C4orf51: variants seen among roughly 807,000 people sequenced by gnomAD.
The protein encoded by C4orf51 is chromosome 4 open reading frame 51.
C4orf51 carries 25 observed loss-of-function variants against 25.2 expected under a neutral mutation model. That is an observed-to-expected ratio of 0.99 (90% confidence interval 0.72 to 1.39). C4orf51 has a LOEUF of 1.39. Among genes scored for constraint, C4orf51 ranks in the 40% most tolerant of loss-of-function variants. C4orf51 has a pLI of 0.00. For missense variants in C4orf51, 252 were observed against 239.6 expected (o/e 1.05, Z -0.34); for synonymous variants, 100 against 84.5 (o/e 1.18, Z -1.01).
chr4:145,689,050 A>G (rs1035852431), intron 1 of C4orf51, among the ~76,000 whole-genome samples: 5 of 152,366 alleles, frequency 3.3e-5, no homozygotes, highest in African/African-American at 1.2e-4. Context: ...CCATGCATAT[A>G]CAAGTACTTG....
chr4:145,743,252 C>G (rs1246017760), intron 1 of C4orf51, among the ~76,000 whole-genome samples: 5 of 152,114 alleles, frequency 3.3e-5, no homozygotes, highest in Non-Finnish European at 7.4e-5. Context: ...ATACCCGAGA[C>G]TATATCATTT....
the C4orf51 span, among the ~76,000 whole-genome samples, chr4:145,777,031 T>G: frequency 1.3e-5 from 2 of 152,232 alleles, no homozygotes; most frequent in Non-Finnish European, 2.9e-5. Context: ...CTATCCTTAA[T>G]GCTTACTTGG....
chr4:145,706,956 T>C (rs1235637262), intron 2 of C4orf51, among the ~76,000 whole-genome samples: 1 of 151,954 alleles, frequency 6.6e-6, no homozygotes, highest in African/African-American at 2.4e-5. Context: ...GGATTACAGG[T>C]GCCCACGACC....
intron 1 of C4orf51, among the ~76,000 whole-genome samples, chr4:145,740,060 A>C (rs13125528): frequency 0.79 from 119,610 of 151,964 alleles, 47,552 homozygotes; most frequent in Non-Finnish European, 0.86. Context: ...CATTGGAAGC[A>C]AGCCAGGTGA....
chr4:145,739,719 T>C (rs1168701556), intron 1 of C4orf51, among the ~76,000 whole-genome samples: 1 of 152,238 alleles, frequency 6.6e-6, no homozygotes, highest in East Asian at 1.9e-4. Flanking sequence ...CCTCTACTTC[T>C]AATATCCACA....
the C4orf51 span, among the ~76,000 whole-genome samples, chr4:145,784,591 T>G: frequency 1.8e-4 from 28 of 152,226 alleles, no homozygotes; most frequent in African/African-American, 6.5e-4. Flanking sequence ...AAACTTCTTT[T>G]AGATTACTCA....
chr4:145,745,879 G>A (rs1733344941), intron 1 of C4orf51, among the ~76,000 whole-genome samples: 1 of 152,080 alleles, frequency 6.6e-6, no homozygotes, highest in African/African-American at 2.4e-5. Flanking sequence ...ATCCTCACCA[G>A]CATTTGTTGT....
At chr4:145,771,081 C>T (rs1264610920), downstream of C4orf51, 4 of 152,144 alleles carry the variant, frequency 2.6e-5, no homozygotes, top group African/African-American at 7.2e-5. Flanking sequence ...TGCTCATGTC[C>T]TCATATCCTT....
chr4:145,711,168 C>CT, intron 2 of C4orf51, among the ~76,000 whole-genome samples: 2 of 152,254 alleles, frequency 1.3e-5, no homozygotes, highest in Middle Eastern at 6.8e-3. Flanking sequence ...AAAGCTTCTG[C>CT]TTTAAGGTCC....
intron 2 of C4orf51, among the ~76,000 whole-genome samples, chr4:145,715,429 C>T (rs1274422239): frequency 6.6e-6 from 1 of 152,182 alleles, no homozygotes; most frequent in Non-Finnish European, 1.5e-5. Context: ...ACTCACTATT[C>T]TCTCACTTCT....
intron 2 of C4orf51, among the ~76,000 whole-genome samples, chr4:145,704,797 G>A (rs1215306815): frequency 6.6e-6 from 1 of 152,338 alleles, no homozygotes; most frequent in South Asian, 2.1e-4. Context: ...ATAAGCAGAA[G>A]GAGAGACCAA....
intron 1 of C4orf51, among the ~76,000 whole-genome samples, chr4:145,749,601 A>G (rs1416143803): frequency 6.6e-6 from 1 of 151,822 alleles, no homozygotes; most frequent in Non-Finnish European, 1.5e-5. Context: ...TGAAGTTACT[A>G]TGAGATTTGT....
chr4:145,718,330 C>T (rs1035460832), intron 2 of C4orf51, among the ~76,000 whole-genome samples: 6 of 152,176 alleles, frequency 3.9e-5, no homozygotes, highest in Non-Finnish European at 5.9e-5. Context: ...CCTGGAAATG[C>T]TTTTATGGGA....
chr4:145,741,363 G>A lies in C4orf51; in HGVS notation n.167+8744G>A, dbSNP rs181439913. Among the ~76,000 whole-genome samples, 16 of 152,060 alleles carry A rather than the reference G, an allele frequency of 1.1e-4. No homozygotes were observed. In the South Asian group the frequency reaches 3.1e-3, roughly 30 times the overall value. On this transcript the variant is annotated intron_variant and non_coding_transcript_variant, in intron 1 of 1. Coordinates refer to the C4orf51 transcript ENST00000508981. ...CTTTTTTTATTTTAAAACTTTTTTG[G>A]ACTCTTTGTATTTAGGAGACGAGGT...
chr4:145,743,565 A>C (rs375928838), intron 1 of C4orf51, among the ~76,000 whole-genome samples: 1 of 152,258 alleles, frequency 6.6e-6, no homozygotes, highest in African/African-American at 2.4e-5. Flanking sequence ...TTAGGGATTA[A>C]GTTTTCAACA....
intron 2 of C4orf51, among the ~76,000 whole-genome samples, chr4:145,722,984 G>A (rs1053880672): frequency 5.9e-5 from 9 of 152,096 alleles, no homozygotes; most frequent in African/African-American, 1.7e-4. Flanking sequence ...GCTAGGGCCC[G>A]CACTGATTCT....
intron 2 of C4orf51, among the ~76,000 whole-genome samples, chr4:145,717,753 T>A (rs181751342): frequency 6.6e-6 from 1 of 152,260 alleles, no homozygotes; most frequent in Non-Finnish European, 1.5e-5. Flanking sequence ...TCTGCCTACA[T>A]TAAAGTGCTT....
chr4:145,694,681 G>T (rs1410670883), intron 1 of C4orf51, among the ~76,000 whole-genome samples: 1 of 139,742 alleles, frequency 7.2e-6, no homozygotes. Flanking sequence ...CAGCCGCCCC[G>T]TCGGGGAGGT....
downstream of C4orf51, among the ~76,000 whole-genome samples, chr4:145,737,555 C>G (rs894566560): frequency 2.0e-5 from 3 of 151,764 alleles, no homozygotes; most frequent in Admixed American, 6.5e-5. Flanking sequence ...TTTGCTTTTC[C>G]TCCCTTCTCC....
Sources: gnomAD v4.1 joint callset for allele counts (sites outside exome capture counted in the v4.1 genomes callset) on GRCh38, gnomAD v4.1.1 for gene constraint, MANE v1.5 for transcripts, NCBI Gene and HGNC (gene_info 2026-07-23, HGNC 2026-07-21) for gene names.